Variants in COL22A1 observed in about 807,000 individuals in gnomAD.
COL22A1 encodes the protein collagen alpha-1(XXII) chain.
COL22A1 carries 221 observed loss-of-function variants against 248.9 expected under a neutral mutation model. The ratio of observed to expected loss-of-function variants is 0.89; its 90% CI spans 0.80 to 0.99. COL22A1 has a LOEUF of 0.99. Ranked by LOEUF, COL22A1 falls within the 50% of genes least tolerant of loss-of-function variation. COL22A1 has a pLI of 0.00. For missense variants in COL22A1, 2,240 were observed against 2,179.0 expected, an observed-to-expected ratio of 1.03 and a Z score of -0.56; for synonymous variants, 891 against 793.4, an observed-to-expected ratio of 1.12 and a Z score of -2.07.
At chr8:138,709,154 A>G (rs1828735634) in intron 30 of COL22A1, among the ~76,000 whole-genome samples, 1 of 152,172 alleles carries the variant, frequency 6.6e-6, no homozygotes, top group African/African-American at 2.4e-5. Flanking sequence ...GCTGGAGAGG[A>G]TGTGGAGAAA....
chr8:138,755,388 C>T, intron 20 of COL22A1, 94 bp downstream of exon 20: 1 of 1,387,766 alleles, frequency 7.2e-7, no homozygotes, highest in Non-Finnish European at 1.0e-6. Context: ...GTCTGAAAGG[C>T]TCCATCTGAG....
chr8:138,901,538 T>G (rs963682573), intron 1 of COL22A1, among the ~76,000 whole-genome samples: 4 of 151,892 alleles, frequency 2.6e-5, no homozygotes, highest in Non-Finnish European at 5.9e-5. Flanking sequence ...AGCTAATTTT[T>G]GTACTTTTTG....
At chr8:138,690,934 C>G in intron 35 of COL22A1, 60 bp from the exon 36 acceptor site, 3 of 1,388,486 alleles carry the variant, frequency 2.2e-6, no homozygotes, top group Non-Finnish European at 3.0e-6. Flanking sequence ...GTTGCCCCCA[C>G]TCTCTCTGCA....
chr8:138,800,389 G>C (rs1444080809), intron 11 of COL22A1, among the ~76,000 whole-genome samples: 1 of 152,222 alleles, frequency 6.6e-6, no homozygotes, highest in Non-Finnish European at 1.5e-5. Context: ...GGTGAAAAAT[G>C]TTGGAATTTC....
chr8:138,738,129 T>C (rs983051252), intron 22 of COL22A1, among the ~76,000 whole-genome samples: 4 of 152,194 alleles, frequency 2.6e-5, no homozygotes, highest in Admixed American at 1.3e-4. Context: ...GTATCCTTTA[T>C]ACAAGTGCAT....
chr8:138,712,008 G>A (rs1047001290), intron 30 of COL22A1, among the ~76,000 whole-genome samples: 2 of 152,304 alleles, frequency 1.3e-5, no homozygotes, highest in South Asian at 4.1e-4. Flanking sequence ...ATCAAGTGGG[G>A]ATGTTGTTGA....
In COL22A1 at chr8:138,693,712, TAA is replaced by T. The variant is rs1827266061; in HGVS notation, c.2701-15_2701-14del. ...GTCCCTTGGCACCCTGCACAGGAAA[TAA>T]AAGAGGGGCGGGGGTAAGACACCCT... On this transcript the variant is annotated splice_polypyrimidine_tract_variant and intron_variant, in intron 34 of 64. Coordinates refer to ENST00000303045, the MANE Select transcript of COL22A1 (RefSeq NM_152888.3). The T allele has an allele frequency of 6.4e-7, 1 of 1,563,698 alleles. No individual in the cohort carries two copies.
chr8:138,806,122 AG>A (rs1817676647), intron 10 of COL22A1, among the ~76,000 whole-genome samples: 1 of 17,310 alleles, frequency 5.8e-5, no homozygotes, highest in African/African-American at 2.1e-4. Flanking sequence ...GTGATGGTGT[AG>A]GTAATGGTGT....
In COL22A1 at chr8:138,589,440, C is replaced by T; in HGVS notation, c.4694G>A (p.Gly1565Asp). Residue 1565 changes from glycine (G) to aspartate (D), a missense_variant and splice_region_variant, in exon 65 of 65, where the codon GGT (glycine) becomes GAT (aspartate). Gly to Asp is a moderately conservative substitution (Grantham distance 94). Transcript: ENST00000303045. The stretch of plus-strand genomic sequence containing the variant: ...AGCATAGCCAGGTTCCCCGGGTTGA[C>T]CTGGCCCAAGGAGCAAAAGAAACAG... ...RGEMGPPGIPGQPGEPGYAKD... is the reference protein window; with the variant it reads ...RGEMGPPGIPDQPGEPGYAKD... 6.5e-7 allele frequency: 1 copy of T among 1,542,182 alleles called. No individual in the cohort carries two copies. Among genetic ancestry groups the T allele is most frequent in the Non-Finnish European group, 8.7e-7 (1 of 1,146,758 alleles).
intron 10 of COL22A1, among the ~76,000 whole-genome samples, chr8:138,803,233 G>GGGAAGT (rs1266533520): frequency 6.6e-6 from 1 of 152,160 alleles, no homozygotes; most frequent in East Asian, 1.9e-4. Context: ...GCCTCGGAAG[G>GGGAAGT]GGAAGTGGAA....
At chr8:138,820,220 C>T (rs186236421) in intron 7 of COL22A1, among the ~76,000 whole-genome samples, 107 of 152,272 alleles carry the variant, frequency 7.0e-4, no homozygotes, top group African/African-American at 2.5e-3. Flanking sequence ...TTTGCTTATG[C>T]TTATGTATAC....
chr8:138,763,059 C>G (rs1329334728), intron 16 of COL22A1, among the ~76,000 whole-genome samples: 1 of 152,038 alleles, frequency 6.6e-6, no homozygotes, highest in Non-Finnish European at 1.5e-5. Context: ...GATAATAACC[C>G]CTTCCTCAAA....
intron 2 of COL22A1, among the ~76,000 whole-genome samples, chr8:138,881,299 G>GAA (rs60720644): frequency 0.2 from 27,971 of 139,150 alleles, 3,984 homozygotes; most frequent in African/African-American, 0.4. Context: ...GAGAGGCTCA[G>GAA]AAAAAAAAAA....
At chr8:138,625,112 A>T (rs1820129313) in intron 51 of COL22A1, among the ~76,000 whole-genome samples, 1 of 152,212 alleles carries the variant, frequency 6.6e-6, no homozygotes, top group African/African-American at 2.4e-5. Context: ...CCATTACACC[A>T]ATAGAAATGC....
Position 138,589,341 on chromosome 8 carries a change from G to T in COL22A1, c.4793C>A (p.Pro1598His). The change falls in exon 65 of 65, where the codon CCT (proline) becomes CAT (histidine). Residue 1598 changes from proline (P) to histidine (H), a missense_variant. By Grantham distance (77) the Pro-to-His change is moderately conservative. Transcript: ENST00000303045. ...GTCACATTGGCCTGGGGGACCGGGAGGTCCTGGGAGGCCAGGATGTCCAGC... is the reference window on the plus strand; with the variant it reads ...GTCACATTGGCCTGGGGGACCGGGATGTCCTGGGAGGCCAGGATGTCCAGC... ...GPAGHPGLPG[P>H]PGPPGQCDPS... 6.2e-7 allele frequency: 1 copy of T among 1,611,846 alleles called. No homozygotes were observed. Among genetic ancestry groups the T allele is most frequent in the East Asian group, 2.2e-5 (1 of 44,608 alleles).
intron 8 of COL22A1, among the ~76,000 whole-genome samples, chr8:138,812,639 T>C (rs1818339411): frequency 6.6e-6 from 1 of 152,016 alleles, no homozygotes; most frequent in Admixed American, 6.6e-5. Context: ...GCACGGACAG[T>C]CATCCCCTCA....
At chr8:138,673,591 C>T (rs958448838) in intron 41 of COL22A1, among the ~76,000 whole-genome samples, 4 of 152,136 alleles carry the variant, frequency 2.6e-5, no homozygotes, top group Admixed American at 6.5e-5. Flanking sequence ...GCCCATCCTG[C>T]CGAAGCCACA....
At chr8:138,624,741 A>G (rs1438667760) in intron 51 of COL22A1, among the ~76,000 whole-genome samples, 1 of 152,140 alleles carries the variant, frequency 6.6e-6, no homozygotes, top group East Asian at 1.9e-4. Flanking sequence ...TGTGTCCTGG[A>G]CAGCTTACTT....
intron 3 of COL22A1, among the ~76,000 whole-genome samples, chr8:138,864,609 A>T (rs1822723539): frequency 6.6e-6 from 1 of 152,196 alleles, no homozygotes; most frequent in Admixed American, 6.5e-5. Flanking sequence ...ACAAGATATA[A>T]ATAGGAGCAC....
Sources: allele counts gnomAD v4.1 joint callset (sites outside exome capture counted in the v4.1 genomes callset), GRCh38; gene constraint gnomAD v4.1.1; transcripts MANE v1.5; gene names NCBI Gene and HGNC (gene_info 2026-07-23, HGNC 2026-07-21).